PAWR: variants seen among roughly 807,000 people sequenced by gnomAD.
The protein encoded by PAWR is pro-apoptotic WT1 regulator.
In PAWR, 23 loss-of-function variants were observed where a neutral mutation model predicts 32.0. That is an observed-to-expected ratio of 0.72 (90% CI 0.52 to 1.02). PAWR has a LOEUF of 1.02. Among genes scored for constraint, PAWR ranks in the 50% least tolerant of loss-of-function variants. The pLI, the probability that PAWR is intolerant of heterozygous loss-of-function variation, is 0.00. For synonymous variants in PAWR, 226 were observed against 187.1 expected (o/e 1.21, Z -1.70); for missense variants, 457 against 437.7 (o/e 1.04, Z -0.39).
rs8176900 is a variant in PAWR, at chr12:79,604,783, C to G, written c.684-8125G>C. 254 of 823,050 alleles carry G rather than the reference C, an allele frequency of 3.1e-4. 2 individuals are homozygous for G. In the South Asian group the frequency reaches 3.6e-3, roughly 12 times the overall value. The allele number at this position is 823,050 out of a possible 1,614,324, so 51.0% of individuals were successfully genotyped here. A position where few individuals can be genotyped will look rare whatever the true frequency, so the allele number is the denominator to read the frequency against. On this transcript the variant is annotated intron_variant, in intron 4 of 6. Coordinates refer to ENST00000328827, the MANE Select transcript of PAWR (RefSeq NM_002583.4). The stretch of plus-strand genomic sequence containing the variant: ...ACAACTAAAAATCAAAATCAACTCC[C>G]ATTATATTAAACTCTCATAACTCTT...
chr12:79,675,984 G>A (rs1367420968), intron 2 of PAWR, among the ~76,000 whole-genome samples: 2 of 151,878 alleles, frequency 1.3e-5, no homozygotes, highest in Non-Finnish European at 2.9e-5. Context: ...GGAAGCACAG[G>A]AGAAAGAAGT....
Position 79,622,455 on chromosome 12 carries a change from CT to C in PAWR, c.517-1249del, listed in dbSNP as rs1209255063. Among the ~76,000 whole-genome samples the C allele has an allele frequency of 3.9e-5, 6 of 152,244 alleles. No homozygotes were observed. The East Asian group carries it at 1.2e-3, about 29-fold the overall frequency. The stretch of plus-strand genomic sequence containing the variant: ...TGTATCTCCTAACGCTATCCCTCCC[CT>C]CTCCCCCAACCCCACGACAGGTCCC... On this transcript the variant is annotated intron_variant, in intron 2 of 6. Coordinates refer to ENST00000328827, the MANE Select transcript of PAWR (RefSeq NM_002583.4).
chr12:79,647,173 CAAA>C (rs11319978), intron 2 of PAWR, among the ~76,000 whole-genome samples: 7 of 82,400 alleles, frequency 8.5e-5, no homozygotes, highest in Non-Finnish European at 1.3e-4. Context: ...GACTCCATTT[CAAA>C]AAAAAAAAAA....
rs1393097346 is a variant in PAWR, at chr12:79,689,898, G to A, written c.347C>T (p.Ser116Phe). The A allele has an allele frequency of 2.0e-6, 3 of 1,503,588 alleles. No individual in the cohort carries two copies. In the Middle Eastern group the frequency reaches 6.2e-4, roughly 309 times the overall value. The allele number at this position is 1,503,588 out of a possible 1,614,324, so 93.1% of individuals were successfully genotyped here. ...RRSEDEPPAA[S>F]ASAAPPPQRD... is the part of the protein sequence containing the mutation. ...CTGGGGCGGCGGTGCAGCCGAGGCA[G>A]AGGCGGCTGGGGGCTCGTCCTCCGA... The change falls in exon 2 of 7, where the codon TCT becomes TTT. Residue 116 changes from serine to phenylalanine, a missense_variant. By Grantham distance (155) the Ser-to-Phe change is radical (BLOSUM62 -2). Transcript: ENST00000328827.
chr12:79,676,947 G>A (rs1179364454), intron 2 of PAWR, among the ~76,000 whole-genome samples: 1 of 152,156 alleles, frequency 6.6e-6, no homozygotes, highest in Non-Finnish European at 1.5e-5. Flanking sequence ...TCTGTACTAA[G>A]AGTATGACCT....
In PAWR at chr12:79,680,305, C is replaced by G. The variant is rs141914192; in HGVS notation, c.516+9424G>C. On this transcript the variant is annotated intron_variant, in intron 2 of 6. Coordinates refer to ENST00000328827, the MANE Select transcript of PAWR (RefSeq NM_002583.4). ...TTCACTGCATACGTTATGAGCTACA[C>G]CCATCCACATCTGGTGTAACACTCT... 4.1e-3 allele frequency among the ~76,000 whole-genome samples: 624 copies of G among 152,316 alleles called. 12 individuals carry two copies. Among genetic ancestry groups the G allele is most frequent in the African/African-American group, 0.014 (592 of 41,568 alleles).
chr12:79,632,748 T>A (rs953009386), intron 2 of PAWR, among the ~76,000 whole-genome samples: 2 of 151,884 alleles, frequency 1.3e-5, no homozygotes, highest in Non-Finnish European at 2.9e-5. Flanking sequence ...AATGGTGCTG[T>A]AACAAATAGA....
intron 2 of PAWR, among the ~76,000 whole-genome samples, chr12:79,639,037 T>C (rs1441488548): frequency 1.4e-5 from 2 of 145,614 alleles, no homozygotes; most frequent in African/African-American, 5.0e-5. Flanking sequence ...CTCAGCCTCC[T>C]GAGTAGCTGG....
chr12:79,675,858 T>C (rs1254782121), intron 2 of PAWR, among the ~76,000 whole-genome samples: 1 of 152,102 alleles, frequency 6.6e-6, no homozygotes, highest in African/African-American at 2.4e-5. Flanking sequence ...TCTGCAAATG[T>C]ACCCCCTGAA....
At chr12:79,642,800 T>C (rs1255311272) in intron 2 of PAWR, among the ~76,000 whole-genome samples, 1 of 152,166 alleles carries the variant, frequency 6.6e-6, no homozygotes, top group Non-Finnish European at 1.5e-5. Flanking sequence ...CTGATCTTAT[T>C]GGAACCAAAA....
chr12:79,647,487 T>C (rs1876633504), intron 2 of PAWR, among the ~76,000 whole-genome samples: 2 of 152,188 alleles, frequency 1.3e-5, no homozygotes, highest in South Asian at 4.1e-4. Flanking sequence ...TAAAATTAAT[T>C]ACTGAAGCTA....
chr12:79,674,140 C>A (rs1026914740), intron 2 of PAWR, among the ~76,000 whole-genome samples: 1 of 152,072 alleles, frequency 6.6e-6, no homozygotes, highest in Non-Finnish European at 1.5e-5. Context: ...CATCACAATA[C>A]CCGACTTCAC....
intron 2 of PAWR, among the ~76,000 whole-genome samples, chr12:79,675,532 C>T (rs924846077): frequency 6.6e-5 from 10 of 152,130 alleles, no homozygotes; most frequent in African/African-American, 2.2e-4. Flanking sequence ...GGTACATAAA[C>T]ACCATGGAAT....
chr12:79,638,291 C>T (rs1294192062), intron 2 of PAWR, among the ~76,000 whole-genome samples: 1 of 151,950 alleles, frequency 6.6e-6, no homozygotes, highest in East Asian at 1.9e-4. Flanking sequence ...TTTTTATTGG[C>T]TTTATATATT....
At chr12:79,622,336 G>A (rs569155397) in intron 2 of PAWR, among the ~76,000 whole-genome samples, 24 of 152,160 alleles carry the variant, frequency 1.6e-4, no homozygotes, top group African/African-American at 5.8e-4. Context: ...ACTTTAAGTT[G>A]TAGGGTACAT....
chr12:79,650,714 TAAAAAAAAAAAA>T (rs34166197), intron 2 of PAWR, among the ~76,000 whole-genome samples: 1 of 113,074 alleles, frequency 8.8e-6, no homozygotes, highest in Non-Finnish European at 1.8e-5. Context: ...TAAAGGTTAT[TAAAAAAAAAAAA>T]AAAAAAAAAA....
At chr12:79,623,822 G>C (rs186103281) in intron 2 of PAWR, among the ~76,000 whole-genome samples, 3 of 152,164 alleles carry the variant, frequency 2.0e-5, no homozygotes, top group Admixed American at 2.0e-4. Context: ...TTTTAAAAAA[G>C]AGGTATGACC....
rs938869298 is a variant in PAWR, at chr12:79,689,744, G to A, written c.501C>T (p.Asn167=). Residue 167 remains asparagine, a synonymous_variant, in exon 2 of 7, where the codon AAC becomes AAT. Coordinates refer to ENST00000328827, the MANE Select transcript of PAWR (RefSeq NM_002583.4). ...CCCGGCTCACCTCTGCGGCAGGGAT[G>A]TTGACCACGCCGGTGGAGCGCCGCT... ...REKRRSTGVV[N]IPAAECLDEY... The A allele has an allele frequency of 2.6e-6, 4 of 1,567,366 alleles. No individual in the cohort carries two copies. The highest frequency in any genetic ancestry group is 2.6e-6 in the Non-Finnish European group (3 of 1,159,634).
intron 2 of PAWR, among the ~76,000 whole-genome samples, chr12:79,640,122 C>T (rs989304988): frequency 3.9e-5 from 6 of 152,062 alleles, no homozygotes; most frequent in Admixed American, 3.9e-4. Context: ...CCAGGCTTGT[C>T]GAACTCCTGA....
Sources: gnomAD v4.1 joint callset for allele counts (sites outside exome capture counted in the v4.1 genomes callset) on GRCh38, gnomAD v4.1.1 for gene constraint, MANE v1.5 for transcripts, NCBI Gene and HGNC (gene_info 2026-07-23, HGNC 2026-07-21) for gene names.